Variants in RBMS1 observed in about 807,000 individuals in gnomAD.
RBMS1 encodes RNA binding motif single stranded interacting protein 1, also known as RNA-binding motif, single-stranded-interacting protein 1.
In RBMS1, 17 loss-of-function variants were observed where a neutral mutation model predicts 62.3. The observed-to-expected ratio is 0.27, with a 90% CI of 0.19 to 0.41. The LOEUF is 0.41. Among genes scored for constraint, RBMS1 ranks in the 10% least tolerant of loss-of-function variants. The pLI is 1.00. For missense variants in RBMS1, 334 were observed against 504.5 expected (o/e 0.66, Z 3.24); for synonymous variants, 172 against 170.0 (o/e 1.01, Z -0.09).
chr2:160,292,827 C>T (rs1688750446), intron 6 of RBMS1, among the ~76,000 whole-genome samples: 1 of 152,188 alleles, frequency 6.6e-6, no homozygotes, highest in South Asian at 2.1e-4. Context: ...AGAACACTGG[C>T]ACATCTCAGG....
At chr2:160,355,021 CA>C (rs1401560819) in intron 2 of RBMS1, among the ~76,000 whole-genome samples, 1 of 152,070 alleles carries the variant, frequency 6.6e-6, no homozygotes, top group Non-Finnish European at 1.5e-5. Flanking sequence ...AATTTCGTCT[CA>C]AAAGTCTCCA....
intron 4 of RBMS1, among the ~76,000 whole-genome samples, chr2:160,311,214 A>ATCTCTCTCTC (rs1382938671): frequency 3.3e-5 from 2 of 60,244 alleles, no homozygotes; most frequent in African/African-American, 5.8e-5. Flanking sequence ...AAAAAAATCT[A>ATCTCTCTCTC]TCTATCTATC....
chr2:160,447,987 T>C (rs977494252), intron 1 of RBMS1, among the ~76,000 whole-genome samples: 1 of 152,104 alleles, frequency 6.6e-6, no homozygotes, highest in Non-Finnish European at 1.5e-5. Context: ...CACTGAAAAA[T>C]ATTGTTATAA....
chr2:160,399,997 T>C (rs1431522212), intron 1 of RBMS1, among the ~76,000 whole-genome samples: 1 of 151,832 alleles, frequency 6.6e-6, no homozygotes, highest in Admixed American at 6.6e-5. Flanking sequence ...AAGGTAAGAG[T>C]GCTTTCTTCT....
chr2:160,386,016 G>A (rs978355277), intron 1 of RBMS1, among the ~76,000 whole-genome samples: 4 of 152,080 alleles, frequency 2.6e-5, no homozygotes, highest in African/African-American at 4.8e-5. Flanking sequence ...CAAACTGAAA[G>A]AACTTCTGAA....
chr2:160,482,993 C>T (rs1685429786), intron 1 of RBMS1, among the ~76,000 whole-genome samples: 1 of 151,150 alleles, frequency 6.6e-6, no homozygotes, highest in Non-Finnish European at 1.5e-5. Flanking sequence ...AATTTTGTGA[C>T]AGAGACAGAG....
intron 2 of RBMS1, among the ~76,000 whole-genome samples, chr2:160,322,315 G>C (rs764620355): frequency 3.3e-5 from 5 of 152,194 alleles, no homozygotes; most frequent in Non-Finnish European, 5.9e-5. Context: ...TCTGAGTATG[G>C]AAGAAGAAGG....
At chr2:160,464,638 C>A (rs1446475343) in intron 1 of RBMS1, among the ~76,000 whole-genome samples, 1 of 152,174 alleles carries the variant, frequency 6.6e-6, no homozygotes, top group African/African-American at 2.4e-5. Context: ...TTGTCCTCAG[C>A]AGCTTTTTGA....
intron 2 of RBMS1, among the ~76,000 whole-genome samples, chr2:160,323,807 A>C (rs1559381151): frequency 6.6e-6 from 1 of 152,162 alleles, no homozygotes; most frequent in Non-Finnish European, 1.5e-5. Flanking sequence ...TAATAATATG[A>C]ATTTCAAAGG....
intron 1 of RBMS1, among the ~76,000 whole-genome samples, chr2:160,387,153 A>G (rs1438330030): frequency 6.6e-6 from 1 of 152,102 alleles, no homozygotes; most frequent in East Asian, 1.9e-4. Context: ...TTTCCCCTCT[A>G]GCTGTTCAAT....
At position 160,473,956 on chromosome 2, in the gene RBMS1, T is replaced by C. The variant is rs1244748892; in HGVS notation, c.75+19333A>G. Among the ~76,000 whole-genome samples the C allele has an allele frequency of 5.3e-5, 8 of 152,294 alleles. No individual in the cohort carries two copies. The East Asian group carries it at 1.5e-3, about 29-fold the overall frequency. Reference sequence around the variant, plus strand: ...TTTACCTGGTTACTATGACAACAGGTAAGAAGAACTCATGTTGTAGAGGAA... The same window carrying C: ...TTTACCTGGTTACTATGACAACAGGCAAGAAGAACTCATGTTGTAGAGGAA... On this transcript the variant is annotated intron_variant, in intron 1 of 13. Transcript: ENST00000348849.
In RBMS1 at chr2:160,493,446, G is replaced by A. The variant is rs915268304; in HGVS notation, c.-83C>T. 2.1e-5 allele frequency: 28 copies of A among 1,363,112 alleles called. No homozygotes were observed. The highest frequency in any genetic ancestry group is 2.9e-5 in the Non-Finnish European group (28 of 968,194). 84.4% of individuals were successfully genotyped at this position (1,363,112 alleles called of 1,614,324 possible). A position where few individuals can be genotyped will look rare whatever the true frequency, so the allele number is the denominator to read the frequency against. ...CGGGCTCTCCTGCCTCTCCCTTTCC[G>A]GCGGCGGCGGCAGCGGCGGCGGCGG... On this transcript the variant is annotated 5_prime_UTR_variant, in exon 1 of 14. Transcript: ENST00000348849.
At chr2:160,446,545 C>T (rs898496938) in intron 1 of RBMS1, among the ~76,000 whole-genome samples, 1 of 152,160 alleles carries the variant, frequency 6.6e-6, no homozygotes, top group African/African-American at 2.4e-5. Flanking sequence ...AGCATCTTCA[C>T]TTTTCTCATG....
intron 1 of RBMS1, among the ~76,000 whole-genome samples, chr2:160,440,067 G>A (rs1683343507): frequency 7.0e-6 from 1 of 143,394 alleles, no homozygotes; most frequent in Non-Finnish European, 1.5e-5. Context: ...GAGGGAGACC[G>A]TGGAGAGGGG....
At chr2:160,436,344 TAG>T (rs1184702485) in intron 1 of RBMS1, among the ~76,000 whole-genome samples, 1 of 152,146 alleles carries the variant, frequency 6.6e-6, no homozygotes, top group Non-Finnish European at 1.5e-5. Context: ...GCTCCCCGTG[TAG>T]AGAGAGAAAT....
intron 6 of RBMS1, among the ~76,000 whole-genome samples, chr2:160,293,473 T>C (rs1277845103): frequency 6.6e-6 from 1 of 152,196 alleles, no homozygotes; most frequent in Non-Finnish European, 1.5e-5. Context: ...TTGAGGCTCC[T>C]CTGTGACAAG....
At chr2:160,301,644 C>G (rs1267433511) in intron 5 of RBMS1, among the ~76,000 whole-genome samples, 1 of 152,268 alleles carries the variant, frequency 6.6e-6, no homozygotes, top group Non-Finnish European at 1.5e-5. Context: ...GGAGCACATG[C>G]TGGAGATGCT....
At chr2:160,298,152 T>C (rs771825687) in intron 6 of RBMS1, among the ~76,000 whole-genome samples, 3 of 151,930 alleles carry the variant, frequency 2.0e-5, no homozygotes, top group East Asian at 1.9e-4. Context: ...AAAGAAAAAT[T>C]TGGGGACTTG....
At chr2:160,491,134 C>T (rs764282872) in intron 1 of RBMS1, among the ~76,000 whole-genome samples, 5 of 151,674 alleles carry the variant, frequency 3.3e-5, no homozygotes, top group Admixed American at 3.3e-4. Context: ...CTGCCTGTTC[C>T]GAACTCTGCT....
Sources: gnomAD v4.1 joint callset for allele counts (sites outside exome capture counted in the v4.1 genomes callset) on GRCh38, gnomAD v4.1.1 for gene constraint, MANE v1.5 for transcripts, NCBI Gene and HGNC (gene_info 2026-07-23, HGNC 2026-07-21) for gene names.